GSE1: variants seen among roughly 807,000 people sequenced by gnomAD.
GSE1 encodes the protein genetic suppressor element 1.
Under a neutral mutation model 112.6 loss-of-function variants are expected in GSE1, and 32 were observed. That is an observed-to-expected ratio of 0.28 (90% confidence interval 0.21 to 0.38). The LOEUF is 0.38. Among genes scored for constraint, GSE1 ranks in the 10% least tolerant of loss-of-function variants. The pLI is 1.00. For missense variants in GSE1, 2,348 were observed against 1,699.2 expected (o/e 1.38, Z -6.71); for synonymous variants, 1,115 against 735.6 (o/e 1.52, Z -8.35).
chr16:85,284,769 C>T (rs768054169), intron 1 of GSE1, among the ~76,000 whole-genome samples: 2 of 152,154 alleles, frequency 1.3e-5, no homozygotes, highest in Non-Finnish European at 2.9e-5. Context: ...GCGGGGCTGG[C>T]ACACACAGCT....
intron 1 of GSE1, among the ~76,000 whole-genome samples, chr16:85,628,051 C>A (rs1480941011): frequency 6.6e-6 from 1 of 152,184 alleles, no homozygotes; most frequent in African/African-American, 2.4e-5. Context: ...GGCACGTGGG[C>A]CCTGGAGGCT....
Position 85,288,244 on chromosome 16 carries a change from A to AAAAAGAAAAG in GSE1, c.2284-69210_2284-69201dup, listed in dbSNP as rs575408936. Among the ~76,000 whole-genome samples the AAAAAGAAAAG allele has an allele frequency of 3.1e-3, 477 of 152,300 alleles. 11 individuals carry two copies. The highest frequency in any genetic ancestry group is 0.011 in the African/African-American group (461 of 41,552). On this transcript the variant is annotated intron_variant, in intron 1 of 2. Transcript: ENST00000637419. ...GACAGAGCAAGAATCTGACCCAAAA[A>AAAAAGAAAAG]AAAAGAAAAGAAAAGAAATAAGTAC...
chr16:85,232,548 T>C (rs1460631575), intron 1 of GSE1, among the ~76,000 whole-genome samples: 1 of 151,704 alleles, frequency 6.6e-6, no homozygotes, highest in Non-Finnish European at 1.5e-5. Flanking sequence ...GGATAGACCC[T>C]CCAGAGCCCT....
intron 1 of GSE1, among the ~76,000 whole-genome samples, chr16:85,630,807 A>C (rs2049478617): frequency 6.6e-6 from 1 of 152,112 alleles, no homozygotes; most frequent in Admixed American, 6.5e-5. Flanking sequence ...ACCTTGGACC[A>C]AGCTTAGGTC....
At position 85,461,670 on chromosome 16, in the gene GSE1, T is replaced by A. The variant is rs531942036; in HGVS notation, c.2464+104027T>A. Reference sequence around the variant, plus strand: ...AAAGCCCCCACCCCTTTAATTAGGATCACCTGGAATTCTCAGGCTGCAGTC... The same window carrying A: ...AAAGCCCCCACCCCTTTAATTAGGAACACCTGGAATTCTCAGGCTGCAGTC... On this transcript the variant is annotated intron_variant, in intron 2 of 2. Transcript: ENST00000637419. Among the ~76,000 whole-genome samples the A allele has an allele frequency of 1.5e-3, 225 of 152,234 alleles. 1 individual carries two copies. The highest frequency in any genetic ancestry group is 5.4e-3 in the African/African-American group (224 of 41,536).
intron 2 of GSE1, among the ~76,000 whole-genome samples, chr16:85,459,239 G>A (rs56931131): frequency 0.026 from 3,907 of 152,296 alleles, 173 homozygotes; most frequent in African/African-American, 0.09. Context: ...CACCCTCTGT[G>A]TCTCCACATG....
At chr16:85,654,530 C>T (rs564476718) in intron 4 of GSE1, 80 bp downstream of exon 4, 39 of 1,236,884 alleles carry the variant, frequency 3.2e-5, no homozygotes, top group East Asian at 4.7e-5. Context: ...AGGCAGCCTG[C>T]GGTCTGCACA....
intron 2 of GSE1, among the ~76,000 whole-genome samples, chr16:85,512,285 G>T (rs1390135717): frequency 6.6e-6 from 1 of 152,184 alleles, no homozygotes; most frequent in African/African-American, 2.4e-5. Context: ...GAACACAGCA[G>T]GTGGCTGTGA....
chr16:85,659,120 G>C (rs116237630), intron 8 of GSE1, among the ~76,000 whole-genome samples: 1 of 152,180 alleles, frequency 6.6e-6, no homozygotes, highest in African/African-American at 2.4e-5. Flanking sequence ...GCTTCTTCCT[G>C]TGGTTCCCTG....
chr16:85,598,204 T>C (rs1432279562), intron 1 of GSE1, among the ~76,000 whole-genome samples: 1 of 131,404 alleles, frequency 7.6e-6, no homozygotes, highest in African/African-American at 2.9e-5. Flanking sequence ...CTTTCTCATC[T>C]CTCAGCAGAG....
At chr16:85,498,966 G>T (rs1403068563) in intron 2 of GSE1, among the ~76,000 whole-genome samples, 2 of 152,258 alleles carry the variant, frequency 1.3e-5, no homozygotes, top group African/African-American at 4.8e-5. Flanking sequence ...CCAGCAATTG[G>T]AAGCTTGATG....
chr16:85,375,661 G>A (rs1216112813), intron 2 of GSE1, among the ~76,000 whole-genome samples: 1 of 151,886 alleles, frequency 6.6e-6, no homozygotes, highest in Non-Finnish European at 1.5e-5. Flanking sequence ...GTCTTCCCTC[G>A]CCGGGCACCT....
chr16:85,193,246 C>T (rs552929464), intron 1 of GSE1, among the ~76,000 whole-genome samples: 120 of 152,264 alleles, frequency 7.9e-4, no homozygotes, highest in African/African-American at 2.7e-3. Context: ...ACACTCGTGA[C>T]GTGGATAGGC....
At chr16:85,306,844 G>A (rs2045692791) in intron 1 of GSE1, among the ~76,000 whole-genome samples, 1 of 152,250 alleles carries the variant, frequency 6.6e-6, no homozygotes, top group Non-Finnish European at 1.5e-5. Context: ...GGAAAGGAGA[G>A]TGGCCTTTCA....
At chr16:85,591,505 C>T (rs1301167023) in intron 1 of GSE1, among the ~76,000 whole-genome samples, 2 of 152,260 alleles carry the variant, frequency 1.3e-5, no homozygotes, top group African/African-American at 4.8e-5. Flanking sequence ...CAACCTTTTG[C>T]TCCTCACAGC....
intron 2 of GSE1, among the ~76,000 whole-genome samples, chr16:85,471,671 C>T (rs763494817): frequency 6.6e-6 from 1 of 152,120 alleles, no homozygotes; most frequent in Admixed American, 6.5e-5. Context: ...TACCAAAGTA[C>T]AAGGATTACA....
chr16:85,426,168 G>GTGGA (rs1371269092), intron 2 of GSE1, among the ~76,000 whole-genome samples: 1 of 142,122 alleles, frequency 7.0e-6, no homozygotes, highest in Non-Finnish European at 1.5e-5. Flanking sequence ...GGTGGGTGGG[G>GTGGA]TGGATGGATG....
rs1424114878 is a variant in GSE1, at chr16:85,412,691, C to G, written c.2464+55048C>G. On this transcript the variant is annotated intron_variant, in intron 2 of 2. Transcript: ENST00000637419. Reference sequence around the variant, plus strand: ...CCCCTGGATAATCCTCACCGTTACACTCAGGGCACCTGGATAATCCTCACT... The same window carrying G: ...CCCCTGGATAATCCTCACCGTTACAGTCAGGGCACCTGGATAATCCTCACT... Among the ~76,000 whole-genome samples the G allele has an allele frequency of 1.5e-4, 14 of 96,352 alleles. 4 individuals carry two copies. The highest frequency in any genetic ancestry group is 4.5e-4 in the African/African-American group (12 of 26,838). The allele number at this position is 96,352 out of a possible 152,430, so 63.2% of individuals were successfully genotyped here.
chr16:85,650,650 G>A (rs1598583751), intron 3 of GSE1, among the ~76,000 whole-genome samples: 1 of 152,196 alleles, frequency 6.6e-6, no homozygotes, highest in South Asian at 2.1e-4. Flanking sequence ...GTACCACCGC[G>A]GCGCTTAATG....
Sources: allele counts gnomAD v4.1 joint callset (sites outside exome capture counted in the v4.1 genomes callset), GRCh38; gene constraint gnomAD v4.1.1; transcripts MANE v1.5; gene names NCBI Gene and HGNC (gene_info 2026-07-23, HGNC 2026-07-21).